TTC27: variants seen among roughly 807,000 people sequenced by gnomAD.
TTC27 encodes tetratricopeptide repeat domain 27.
Under a neutral mutation model 115.9 loss-of-function variants are expected in TTC27, and 79 were observed. The observed-to-expected ratio is 0.68, with a 90% CI of 0.57 to 0.82. The LOEUF is 0.82. TTC27 is among the 40% of genes least tolerant of loss of function. The pLI is 0.00. For missense variants in TTC27, 1,054 were observed against 993.1 expected, an observed-to-expected ratio of 1.06 and a Z score of -0.82; for synonymous variants, 401 against 356.0, an observed-to-expected ratio of 1.13 and a Z score of -1.42.
chr2:32,630,637 G>C lies in TTC27; in HGVS notation c.203G>C (p.Ser68Thr). 1 of 1,613,786 alleles carries C rather than the reference G, an allele frequency of 6.2e-7. No individual in the cohort carries two copies. The highest frequency in any genetic ancestry group is 1.3e-5 in the African/African-American group (1 of 75,008). The part of the protein sequence containing the change: ...STTTAEEKID[S>T]YLEKQVVTFL... ...ACAACCGCTGAAGAAAAGATTGATA[G>C]CTACCTGGAGAAGCAGGTAGTAACA... The change falls in exon 2 of 20, where the codon AGC becomes ACC. Residue 68 changes from serine (S) to threonine (T), a missense_variant. Physicochemically the swap from Ser to Thr is moderately conservative, Grantham distance 58. Coordinates refer to ENST00000317907, the MANE Select transcript of TTC27 (RefSeq NM_017735.5).
At chr2:32,722,220 C>A (rs886192573) in intron 10 of TTC27, among the ~76,000 whole-genome samples, 1 of 152,124 alleles carries the variant, frequency 6.6e-6, no homozygotes, top group African/African-American at 2.4e-5. Flanking sequence ...GTCATGCCAT[C>A]AAGATTTTCA....
chr2:32,696,931 G>A (rs898960520), intron 9 of TTC27, among the ~76,000 whole-genome samples: 7 of 152,152 alleles, frequency 4.6e-5, no homozygotes, highest in African/African-American at 1.2e-4. Context: ...GGGCGTGGTG[G>A]CTCACACCTG....
At position 32,666,626 on chromosome 2, in the gene TTC27, T is replaced by C; in HGVS notation, c.806-9T>C. ...TAAGTCAGTAGATATAATTTTATTG[T>C]TTTTTCAGGTGCTTTGGGAAAAAGA... is the stretch of plus-strand genomic sequence containing the variant. On this transcript the variant is annotated splice_polypyrimidine_tract_variant and intron_variant, in intron 6 of 19. Coordinates refer to ENST00000317907, the MANE Select transcript of TTC27 (RefSeq NM_017735.5). 6.2e-7 allele frequency: 1 copy of C among 1,613,672 alleles called. No individual in the cohort carries two copies. The highest frequency in any genetic ancestry group is 1.1e-5 in the South Asian group (1 of 91,010).
chr2:32,722,066 G>C (rs1168611453), intron 10 of TTC27, among the ~76,000 whole-genome samples: 1 of 152,134 alleles, frequency 6.6e-6, no homozygotes, highest in Non-Finnish European at 1.5e-5. Context: ...CACTTTATAG[G>C]AGGGGAAGTT....
chr2:32,714,158 C>CT (rs1332937396), intron 10 of TTC27, among the ~76,000 whole-genome samples: 1 of 149,522 alleles, frequency 6.7e-6, no homozygotes, highest in Non-Finnish European at 1.5e-5. Context: ...CCCCCGCCCC[C>CT]CCGCCTTTTT....
At chr2:32,688,912 A>C (rs1428789709) in intron 9 of TTC27, among the ~76,000 whole-genome samples, 3 of 152,150 alleles carry the variant, frequency 2.0e-5, no homozygotes, top group East Asian at 1.9e-4. Flanking sequence ...AGTTGTACAC[A>C]AATACTTGTG....
At chr2:32,761,548 C>G (rs1669437551) in intron 13 of TTC27, among the ~76,000 whole-genome samples, 1 of 152,088 alleles carries the variant, frequency 6.6e-6, no homozygotes, top group Non-Finnish European at 1.5e-5. Context: ...CAATTCTCCC[C>G]TTTTCTCACC....
chr2:32,641,177 A>T (rs113995648), intron 4 of TTC27, among the ~76,000 whole-genome samples: 1 of 152,150 alleles, frequency 6.6e-6, no homozygotes, highest in Non-Finnish European at 1.5e-5. Context: ...TTAAATATCT[A>T]TTATATGGTT....
intron 4 of TTC27, among the ~76,000 whole-genome samples, chr2:32,647,039 T>G (rs1664891768): frequency 6.6e-6 from 1 of 151,442 alleles, no homozygotes; most frequent in South Asian, 2.1e-4. Flanking sequence ...TACAGTGGTG[T>G]GATCACAGCT....
At chr2:32,656,521 G>T (rs886490332) in intron 5 of TTC27, among the ~76,000 whole-genome samples, 2 of 152,204 alleles carry the variant, frequency 1.3e-5, no homozygotes, top group South Asian at 4.1e-4. Flanking sequence ...TGAAGGGTGT[G>T]TGTCTCAGCT....
Position 32,647,453 on chromosome 2 carries a change from A to G in TTC27, c.538-2678A>G, listed in dbSNP as rs141151154. On this transcript the variant is annotated intron_variant, in intron 4 of 19. Transcript: ENST00000317907. The stretch of plus-strand genomic sequence containing the variant: ...AACACCTCAGGGAATTCAGTTAAAA[A>G]CTGTCTGAAATTTCTTTGCTATTAG... 4.6e-3 allele frequency among the ~76,000 whole-genome samples: 698 copies of G among 152,288 alleles called. 2 individuals are homozygous for G. The highest frequency in any genetic ancestry group is 7.8e-3 in the Non-Finnish European group (532 of 68,018).
intron 2 of TTC27, among the ~76,000 whole-genome samples, chr2:32,632,696 A>T (rs921701048): frequency 1.3e-5 from 2 of 150,456 alleles, no homozygotes; most frequent in Non-Finnish European, 3.0e-5. Context: ...TTTCTGAAAG[A>T]CTCTTCCTTT....
intron 9 of TTC27, among the ~76,000 whole-genome samples, chr2:32,697,908 C>G (rs151080285): frequency 6.6e-6 from 1 of 152,202 alleles, no homozygotes; most frequent in East Asian, 1.9e-4. Flanking sequence ...TGCACTAGCA[C>G]GCCCAGTTAA....
At chr2:32,745,140 C>T (rs1322895635) in intron 12 of TTC27, among the ~76,000 whole-genome samples, 1 of 145,792 alleles carries the variant, frequency 6.9e-6, no homozygotes, top group Non-Finnish European at 1.5e-5. Context: ...GATTATGCAA[C>T]ACAATTTTTT....
intron 9 of TTC27, among the ~76,000 whole-genome samples, chr2:32,688,336 C>T (rs1666702822): frequency 6.6e-6 from 1 of 152,058 alleles, no homozygotes; most frequent in African/African-American, 2.4e-5. Context: ...ATGTTTTCTT[C>T]AAGTAAAATT....
chr2:32,753,606 C>T (rs114924647), intron 12 of TTC27, among the ~76,000 whole-genome samples: 7,191 of 151,744 alleles, frequency 0.047, 399 homozygotes, highest in African/African-American at 0.14. Flanking sequence ...TGTGCCACCG[C>T]GCCCATATTT....
At chr2:32,686,886 C>T (rs1327247679) in intron 9 of TTC27, among the ~76,000 whole-genome samples, 2 of 151,946 alleles carry the variant, frequency 1.3e-5, no homozygotes, top group African/African-American at 2.4e-5. Flanking sequence ...ACTCTGTCAC[C>T]CAGGCTGGAG....
chr2:32,637,926 C>T lies in TTC27; in HGVS notation c.397-2344C>T, dbSNP rs192620597. On this transcript the variant is annotated intron_variant, in intron 3 of 19. Transcript: ENST00000317907. The stretch of plus-strand genomic sequence containing the variant: ...TTTGTGTCTGTATTTCAGTTACACA[C>T]GCCACCATGGTGTAGTGCCAGTCAG... Among the ~76,000 whole-genome samples, 188 of 152,290 alleles carry T rather than the reference C, an allele frequency of 1.2e-3. 1 individual carries two copies. The highest frequency in any genetic ancestry group is 8.7e-3 in the South Asian group (42 of 4,822).
At chr2:32,816,316 CA>C (rs199561706) in intron 18 of TTC27, among the ~76,000 whole-genome samples, 9,016 of 125,058 alleles carry the variant, frequency 0.072, 271 homozygotes, top group East Asian at 0.13. Context: ...GACCTTGTCT[CA>C]AAAAAAAAAA....
Sources: allele counts gnomAD v4.1 joint callset (sites outside exome capture counted in the v4.1 genomes callset), GRCh38; gene constraint gnomAD v4.1.1; transcripts MANE v1.5; gene names NCBI Gene and HGNC (gene_info 2026-07-23, HGNC 2026-07-21).